The following NAV2 variants were observed in gnomAD, a reference collection of about 807,000 sequenced individuals.
NAV2 encodes the protein neuron navigator 2, also known as helicase, APC down-regulated 1.
NAV2 carries 54 observed loss-of-function variants against 223.2 expected under a neutral mutation model. The observed-to-expected ratio is 0.24, with a 90% confidence interval of 0.19 to 0.30. NAV2 has a LOEUF of 0.30. Among genes scored for constraint, NAV2 ranks in the 10% least tolerant of loss-of-function variants. The pLI is 1.00. For missense variants in NAV2, 2,806 were observed against 3,147.5 expected (o/e 0.89, Z 2.60); for synonymous variants, 1,279 against 1,239.3 (o/e 1.03, Z -0.67).
chr11:19,965,210 G>T (rs2048671531), intron 10 of NAV2, among the ~76,000 whole-genome samples: 3 of 152,142 alleles, frequency 2.0e-5, no homozygotes, highest in African/African-American at 7.2e-5. Flanking sequence ...CTGGTAACTT[G>T]CCTTAAGGTT....
intron 37 of NAV2, among the ~76,000 whole-genome samples, chr11:20,115,300 A>G (rs1030590339): frequency 9.9e-5 from 15 of 152,070 alleles, no homozygotes; most frequent in African/African-American, 3.4e-4. Context: ...ACACTGTTTA[A>G]GCTTCTTATT....
chr11:20,017,543 G>A lies in NAV2; in HGVS notation c.2769-18416G>A, dbSNP rs146932776. On this transcript the variant is annotated intron_variant, in intron 11 of 37. Coordinates refer to ENST00000349880, the MANE Select transcript of NAV2 (RefSeq NM_145117.5). ...GTTTATTTCTGTCATCACTTTCCCC[G>A]TAACATCCATAATGATTTTGCTTGT... Among the ~76,000 whole-genome samples the A allele has an allele frequency of 1.0e-3, 154 of 152,116 alleles. No homozygotes were observed. The East Asian group carries it at 0.01, about 10-fold the overall frequency.
chr11:19,772,227 A>C (rs1276088289), intron 1 of NAV2, among the ~76,000 whole-genome samples: 1 of 152,206 alleles, frequency 6.6e-6, no homozygotes, highest in African/African-American at 2.4e-5. Flanking sequence ...AAATGTCTGC[A>C]CACAGTTTGC....
At chr11:20,072,832 T>G (rs2059485406) in intron 22 of NAV2, among the ~76,000 whole-genome samples, 1 of 152,212 alleles carries the variant, frequency 6.6e-6, no homozygotes, top group South Asian at 2.1e-4. Context: ...AAGGAGATTT[T>G]GGGCTGAGAA....
At chr11:19,502,593 G>A (rs917217616) in intron 1 of NAV2, 3 of 152,178 alleles carry the variant, frequency 2.0e-5, no homozygotes, top group Non-Finnish European at 4.4e-5. Context: ...TTATACCTCT[G>A]TTTTCCCATT....
At chr11:19,464,040 G>A (rs7929474) in intron 1 of NAV2, among the ~76,000 whole-genome samples, 3,329 of 152,244 alleles carry the variant, frequency 0.022, 73 homozygotes, top group East Asian at 0.066. Flanking sequence ...GAAAATCCTC[G>A]AATTCAGTGA....
intron 1 of NAV2, among the ~76,000 whole-genome samples, chr11:19,458,191 A>G (rs1029669057): frequency 1.3e-5 from 2 of 152,202 alleles, no homozygotes; most frequent in Non-Finnish European, 2.9e-5. Context: ...CCTGGTGCCC[A>G]TAGCTGCCAT....
chr11:19,881,017 C>T (rs148183124), intron 5 of NAV2, among the ~76,000 whole-genome samples: 118 of 152,262 alleles, frequency 7.7e-4, no homozygotes, highest in African/African-American at 2.6e-3. Context: ...GAGTAATGGC[C>T]TTTTCTTTTC....
intron 1 of NAV2, among the ~76,000 whole-genome samples, chr11:19,391,942 T>C (rs1308835675): frequency 5.3e-5 from 8 of 152,170 alleles, no homozygotes; most frequent in Non-Finnish European, 1.2e-4. Flanking sequence ...AATGTGACCA[T>C]CACTGAGAAA....
At chr11:19,737,838 G>A (rs1159375388) in intron 1 of NAV2, among the ~76,000 whole-genome samples, 1 of 152,184 alleles carries the variant, frequency 6.6e-6, no homozygotes, top group Admixed American at 6.5e-5. Flanking sequence ...ATCCGAGTAG[G>A]GGAGCTGAGA....
chr11:19,876,872 A>G (rs1240426555), intron 4 of NAV2, among the ~76,000 whole-genome samples: 1 of 150,830 alleles, frequency 6.6e-6, no homozygotes, highest in Non-Finnish European at 1.5e-5. Context: ...TCAAATGCCT[A>G]CCAGCTAGGA....
chr11:19,783,186 T>G (rs1324053898), intron 1 of NAV2, among the ~76,000 whole-genome samples: 2 of 152,230 alleles, frequency 1.3e-5, no homozygotes, highest in Non-Finnish European at 2.9e-5. Context: ...TAGCTTTGCC[T>G]ATTTTTCTAG....
At chr11:19,797,042 A>C (rs1431255563) in intron 1 of NAV2, among the ~76,000 whole-genome samples, 1 of 152,168 alleles carries the variant, frequency 6.6e-6, no homozygotes, top group Admixed American at 6.5e-5. Context: ...ACTTTATCTC[A>C]AATGGTATGA....
At chr11:19,487,024 C>T (rs949427479) in intron 1 of NAV2, among the ~76,000 whole-genome samples, 1 of 152,116 alleles carries the variant, frequency 6.6e-6, no homozygotes, top group East Asian at 1.9e-4. Flanking sequence ...CCATTAGAGG[C>T]TCTGGGGCTA....
chr11:19,859,705 C>T (rs1158735813), intron 3 of NAV2, among the ~76,000 whole-genome samples: 2 of 151,810 alleles, frequency 1.3e-5, no homozygotes, highest in Non-Finnish European at 2.9e-5. Flanking sequence ...CCTCACTTCC[C>T]AGTAGGGGTG....
chr11:20,103,214 T>C, intron 32 of NAV2, 41 bp from the exon 33 acceptor site: 6 of 1,584,326 alleles, frequency 3.8e-6, no homozygotes, highest in Non-Finnish European at 5.2e-6. Context: ...ACTGAGTGCA[T>C]TCACCCACTT....
chr11:19,617,776 A>T (rs1273792037), intron 1 of NAV2, among the ~76,000 whole-genome samples: 1 of 152,138 alleles, frequency 6.6e-6, no homozygotes, highest in East Asian at 1.9e-4. Flanking sequence ...CCCTGCATTC[A>T]GATTACAAAT....
At chr11:20,044,320 C>A (rs116928805) in intron 13 of NAV2, 48 bp downstream of exon 13, 1 of 1,525,472 alleles carries the variant, frequency 6.6e-7, no homozygotes, top group South Asian at 1.2e-5. Context: ...TTTTGAAAAC[C>A]AAAGCCATAG....
At chr11:19,894,034 T>G (rs918194822) in intron 6 of NAV2, among the ~76,000 whole-genome samples, 1 of 152,240 alleles carries the variant, frequency 6.6e-6, no homozygotes, top group Non-Finnish European at 1.5e-5. Flanking sequence ...TATGTATATA[T>G]GTATTTGTGT....
Sources: gnomAD v4.1 joint callset for allele counts (sites outside exome capture counted in the v4.1 genomes callset) on GRCh38, gnomAD v4.1.1 for gene constraint, MANE v1.5 for transcripts, NCBI Gene and HGNC (gene_info 2026-07-23, HGNC 2026-07-21) for gene names.